CNR1: variants seen among roughly 807,000 people sequenced by gnomAD.
The protein encoded by CNR1 is cannabinoid receptor 1.
Under a neutral mutation model 23.0 loss-of-function variants are expected in CNR1, and 10 were observed. The observed-to-expected ratio is 0.43, with a 90% confidence interval of 0.27 to 0.74. The LOEUF is 0.74. Among genes scored for constraint, CNR1 ranks in the 30% least tolerant of loss-of-function variants. The probability of loss-of-function intolerance (pLI) is 0.19; values close to 1 mark genes in which losing one functional copy is unlikely to be tolerated. For synonymous variants in CNR1, 271 were observed against 255.2 expected (o/e 1.06, Z -0.59); for missense variants, 422 against 618.8 (o/e 0.68, Z 3.37).
At chr6:88,166,605 C>G (rs910079958), upstream of CNR1, among the ~76,000 whole-genome samples, 11 of 152,174 alleles carry the variant, frequency 7.2e-5, no homozygotes, top group Admixed American at 2.0e-4. Flanking sequence ...CCTCCGCCGC[C>G]GCGCTCCCGG....
chr6:88,141,774 T>A lies in CNR1; in HGVS notation c.*2082A>T, dbSNP rs566714782. The A allele has an allele frequency of 6.6e-6, 1 of 152,414 alleles. No individual in the cohort carries two copies. The highest frequency in any genetic ancestry group is 2.4e-5 in the African/African-American group (1 of 41,556). The allele number at this position is 152,414 out of a possible 1,614,324, so 9.4% of individuals were successfully genotyped here. On this transcript the variant is annotated 3_prime_UTR_variant, in exon 2 of 2. Coordinates refer to ENST00000369501, the MANE Select transcript of CNR1 (RefSeq NM_016083.6). Reference sequence around the variant, plus strand: ...CAGACAGACAATGCAAAGTATCTCATAAGCCACATCCTGCCTTAGAGCGTG... The same window carrying A: ...CAGACAGACAATGCAAAGTATCTCAAAAGCCACATCCTGCCTTAGAGCGTG...
intron 1 of CNR1, among the ~76,000 whole-genome samples, chr6:88,156,594 C>T (rs1777812866): frequency 6.6e-6 from 1 of 152,158 alleles, no homozygotes; most frequent in African/African-American, 2.4e-5. Context: ...GATTTTCTCC[C>T]AGGAGAGGTG....
intron 1 of CNR1, among the ~76,000 whole-genome samples, chr6:88,147,321 C>T (rs1307909013): frequency 6.6e-6 from 1 of 151,938 alleles, no homozygotes; most frequent in Non-Finnish European, 1.5e-5. Flanking sequence ...AAAAAGAGTC[C>T]TTGCCCGCAT....
intron 1 of CNR1, among the ~76,000 whole-genome samples, chr6:88,159,522 T>C (rs1777975227): frequency 6.6e-6 from 1 of 152,212 alleles, no homozygotes; most frequent in South Asian, 2.1e-4. Flanking sequence ...TCAATAAAAA[T>C]GGATCACAGA....
intron 1 of CNR1, among the ~76,000 whole-genome samples, chr6:88,161,283 T>C (rs982751705): frequency 6.6e-6 from 1 of 152,222 alleles, no homozygotes; most frequent in Non-Finnish European, 1.5e-5. Context: ...ATACAATTCA[T>C]AGTATTCCCA....
At chr6:88,145,363 C>G in intron 1 of CNR1, 26 bp from the exon 2 acceptor site, 1 of 1,034,802 alleles carries the variant, frequency 9.7e-7, no homozygotes, top group Admixed American at 2.3e-5. Context: ...ACAAATAAGC[C>G]GAATGGTGAG....
At chr6:88,149,276 C>T (rs1219428601) in intron 1 of CNR1, among the ~76,000 whole-genome samples, 1 of 152,234 alleles carries the variant, frequency 6.6e-6, no homozygotes, top group Non-Finnish European at 1.5e-5. Flanking sequence ...TACCCTCAGC[C>T]TGGCTCCAAT....
In CNR1 at chr6:88,143,076, T is replaced by C. The variant is rs912988243; in HGVS notation, c.*780A>G. 1.3e-5 allele frequency: 2 copies of C among 152,434 alleles called. No homozygotes were observed. The highest frequency in any genetic ancestry group is 4.8e-5 in the African/African-American group (2 of 41,466). The allele number at this position is 152,434 out of a possible 1,614,324, so 9.4% of individuals were successfully genotyped here. ...TCTGATTATAATCCATTAGAACAGC[T>C]ATAGTCCAGAAGATAATGTGTCTTC... On this transcript the variant is annotated 3_prime_UTR_variant, in exon 2 of 2. Coordinates refer to ENST00000369501, the MANE Select transcript of CNR1 (RefSeq NM_016083.6).
In CNR1 at chr6:88,142,292, C is replaced by G. The variant is rs1055920291; in HGVS notation, c.*1564G>C. The stretch of plus-strand genomic sequence containing the variant: ...CACTGTCTGATTCAGCTTTTTTAGC[C>G]ACATGGGCTGGGTGTGATAGTCCTA... On this transcript the variant is annotated 3_prime_UTR_variant, in exon 2 of 2. Coordinates refer to ENST00000369501, the MANE Select transcript of CNR1 (RefSeq NM_016083.6). 6.6e-6 allele frequency: 1 copy of G among 152,334 alleles called. No homozygotes were observed. Among genetic ancestry groups the G allele is most frequent in the Non-Finnish European group, 1.5e-5 (1 of 68,054 alleles). The allele number at this position is 152,334 out of a possible 1,614,324, so 9.4% of individuals were successfully genotyped here.
In CNR1 at chr6:88,139,890, A is replaced by C. The variant is rs1482684365; in HGVS notation, c.*3966T>G. On this transcript the variant is annotated 3_prime_UTR_variant, in exon 2 of 2. Transcript: ENST00000369501. ...TTTATGTTCTTCATGGTAATCTAGA[A>C]TTTTTATTTGATTCCAGGTAACTTT... 4.6e-5 allele frequency: 7 copies of C among 152,358 alleles called. No homozygotes were observed. Among genetic ancestry groups the C allele is most frequent in the Non-Finnish European group, 2.9e-5 (2 of 68,026 alleles). The allele number at this position is 152,358 out of a possible 1,614,324, so 9.4% of individuals were successfully genotyped here.
chr6:88,160,222 C>G (rs988999228), intron 1 of CNR1, among the ~76,000 whole-genome samples: 2 of 151,728 alleles, frequency 1.3e-5, no homozygotes. Flanking sequence ...ACCCAGGAAG[C>G]GGAGGCTGCA....
intron 1 of CNR1, among the ~76,000 whole-genome samples, chr6:88,148,908 C>G (rs938166752): frequency 3.3e-5 from 5 of 152,240 alleles, no homozygotes; most frequent in African/African-American, 1.2e-4. Flanking sequence ...CACTGCCAAA[C>G]TGAGGGCCCC....
chr6:88,149,166 A>G (rs1777382978), intron 1 of CNR1, among the ~76,000 whole-genome samples: 1 of 152,188 alleles, frequency 6.6e-6, no homozygotes, highest in South Asian at 2.1e-4. Context: ...GCTAGTGGCT[A>G]TAGAAATAAA....
intron 1 of CNR1, among the ~76,000 whole-genome samples, chr6:88,158,292 T>C (rs1312825950): frequency 7.2e-5 from 11 of 152,228 alleles, no homozygotes; most frequent in Admixed American, 7.2e-4. Flanking sequence ...ATCGAGCCCT[T>C]CTTAGCGTTT....
In CNR1 at chr6:88,162,157, T is replaced by C. The variant is rs138388742; in HGVS notation, c.-64+3646A>G. Reference sequence around the variant, plus strand: ...AGAATGGCCTCGTTTCCATTCAAGGTGGATATCTGCTTTAACTCTTCAGTG... The same window carrying C: ...AGAATGGCCTCGTTTCCATTCAAGGCGGATATCTGCTTTAACTCTTCAGTG... On this transcript the variant is annotated intron_variant, in intron 1 of 1. Transcript: ENST00000369501. Among the ~76,000 whole-genome samples, 324 of 152,310 alleles carry C rather than the reference T, an allele frequency of 2.1e-3. 5 individuals carry two copies. Among genetic ancestry groups the C allele is most frequent in the African/African-American group, 6.9e-3 (287 of 41,572 alleles).
chr6:88,153,558 T>C (rs1777642049), intron 1 of CNR1, among the ~76,000 whole-genome samples: 1 of 152,212 alleles, frequency 6.6e-6, no homozygotes, highest in Non-Finnish European at 1.5e-5. Flanking sequence ...CTTGCTTAAC[T>C]TGTTGTTTTT....
At chr6:88,157,931 CT>C in intron 1 of CNR1, among the ~76,000 whole-genome samples, 1 of 152,252 alleles carries the variant, frequency 6.6e-6, no homozygotes, top group Non-Finnish European at 1.5e-5. Context: ...AATTTCCTTC[CT>C]ATCATTCTCT....
chr6:88,159,110 G>A (rs1195918725), intron 1 of CNR1, among the ~76,000 whole-genome samples: 1 of 152,164 alleles, frequency 6.6e-6, no homozygotes, highest in African/African-American at 2.4e-5. Context: ...GCTATGCAAA[G>A]CTTTATAGGG....
intron 1 of CNR1, among the ~76,000 whole-genome samples, chr6:88,156,965 T>C (rs1277804645): frequency 6.6e-6 from 1 of 152,206 alleles, no homozygotes. Context: ...TATTTCAGTA[T>C]CACATAGAAA....
Sources: gnomAD v4.1 joint callset for allele counts (sites outside exome capture counted in the v4.1 genomes callset) on GRCh38, gnomAD v4.1.1 for gene constraint, MANE v1.5 for transcripts, NCBI Gene and HGNC (gene_info 2026-07-23, HGNC 2026-07-21) for gene names.